Variants in SLC39A11 observed in about 807,000 individuals in gnomAD.
The protein encoded by SLC39A11 is zinc transporter ZIP11.
SLC39A11 carries 33 observed loss-of-function variants against 36.1 expected under a neutral mutation model. The observed-to-expected ratio is 0.91, with a 90% CI of 0.69 to 1.22. The LOEUF is 1.22. SLC39A11 is among the 50% of genes most tolerant of loss of function. The probability of loss-of-function intolerance (pLI) is 0.00; values close to 1 mark genes in which losing one functional copy is unlikely to be tolerated. For synonymous variants in SLC39A11, 166 were observed against 170.3 expected (o/e 0.97, Z 0.20); for missense variants, 432 against 430.3 (o/e 1.00, Z -0.03).
chr17:72,951,368 G>C (rs532693047), intron 4 of SLC39A11, among the ~76,000 whole-genome samples: 4 of 151,800 alleles, frequency 2.6e-5, no homozygotes, highest in African/African-American at 9.7e-5. Flanking sequence ...TCCCTGTAAT[G>C]CTGGAAACTC....
At chr17:72,903,982 G>A (rs554920013) in intron 5 of SLC39A11, among the ~76,000 whole-genome samples, 1 of 152,328 alleles carries the variant, frequency 6.6e-6, no homozygotes, top group Non-Finnish European at 1.5e-5. Flanking sequence ...GACGGGAACA[G>A]ATGCTGGTCA....
chr17:72,747,350 C>T (rs112105024), intron 6 of SLC39A11, among the ~76,000 whole-genome samples: 13,131 of 152,156 alleles, frequency 0.086, 719 homozygotes, highest in African/African-American at 0.16. Context: ...GGGGTTTTTG[C>T]CATGTTGGCC....
chr17:72,760,666 T>C (rs886513763), intron 6 of SLC39A11, among the ~76,000 whole-genome samples: 4 of 152,182 alleles, frequency 2.6e-5, no homozygotes, highest in Non-Finnish European at 5.9e-5. Flanking sequence ...GGGGTTGACA[T>C]GGTAAACACA....
At chr17:72,765,332 T>C (rs534026574) in intron 6 of SLC39A11, among the ~76,000 whole-genome samples, 54 of 152,274 alleles carry the variant, frequency 3.5e-4, no homozygotes, top group Non-Finnish European at 6.9e-4. Flanking sequence ...ACCCCAATGA[T>C]TGCATTCACA....
intron 6 of SLC39A11, among the ~76,000 whole-genome samples, chr17:72,765,165 C>T (rs531237558): frequency 2.6e-5 from 4 of 152,282 alleles, no homozygotes; most frequent in Admixed American, 2.0e-4. Flanking sequence ...AAAAGATATG[C>T]GACTTCCCCA....
At chr17:72,890,369 C>G (rs1178271923) in intron 5 of SLC39A11, among the ~76,000 whole-genome samples, 1 of 151,378 alleles carries the variant, frequency 6.6e-6, no homozygotes, top group African/African-American at 2.4e-5. Flanking sequence ...AGGGATTCAA[C>G]TAGACCAGTC....
At chr17:72,960,657 T>A (rs79649827) in intron 4 of SLC39A11, among the ~76,000 whole-genome samples, 8,500 of 151,696 alleles carry the variant, frequency 0.056, 270 homozygotes, top group Non-Finnish European at 0.063. Context: ...AAATTAAATT[T>A]AATTAAATTA....
intron 4 of SLC39A11, among the ~76,000 whole-genome samples, chr17:72,968,301 C>T (rs1178766647): frequency 6.6e-6 from 1 of 152,168 alleles, no homozygotes; most frequent in Non-Finnish European, 1.5e-5. Flanking sequence ...GAAGAGTTTG[C>T]CCAGGTTCCA....
At chr17:72,779,398 C>A (rs902631045) in intron 6 of SLC39A11, among the ~76,000 whole-genome samples, 1 of 151,712 alleles carries the variant, frequency 6.6e-6, no homozygotes, top group Non-Finnish European at 1.5e-5. Context: ...GCACTGCAGC[C>A]CGGGTGACAG....
chr17:72,934,949 C>T (rs765597100), intron 5 of SLC39A11, among the ~76,000 whole-genome samples: 1 of 152,208 alleles, frequency 6.6e-6, no homozygotes, highest in Admixed American at 6.5e-5. Context: ...TGAAGAACGG[C>T]TTATCCGCTT....
intron 5 of SLC39A11, among the ~76,000 whole-genome samples, chr17:72,909,032 A>G (rs1021969245): frequency 1.3e-5 from 2 of 152,238 alleles, no homozygotes; most frequent in African/African-American, 4.8e-5. Flanking sequence ...TACCTTTCAG[A>G]CAACAGAAAT....
chr17:72,735,776 G>C (rs1216535040), intron 7 of SLC39A11, among the ~76,000 whole-genome samples: 1 of 152,146 alleles, frequency 6.6e-6, no homozygotes, highest in Non-Finnish European at 1.5e-5. Context: ...ATGGGCCTGG[G>C]TGGACCATGG....
At chr17:72,745,519 G>A (rs932900173) in intron 6 of SLC39A11, among the ~76,000 whole-genome samples, 1 of 152,148 alleles carries the variant, frequency 6.6e-6, no homozygotes. Flanking sequence ...CTCTTGGGTG[G>A]TTTTCTCACA....
At chr17:72,925,607 TTA>T (rs760229720) in intron 5 of SLC39A11, among the ~76,000 whole-genome samples, 9 of 152,194 alleles carry the variant, frequency 5.9e-5, no homozygotes, top group Non-Finnish European at 1.3e-4. Flanking sequence ...TAGTAGATGT[TTA>T]TGTCCCCACC....
chr17:73,001,144 T>G (rs1357329831), intron 4 of SLC39A11, among the ~76,000 whole-genome samples: 1 of 152,148 alleles, frequency 6.6e-6, no homozygotes, highest in Non-Finnish European at 1.5e-5. Context: ...GTTTTAATAA[T>G]TCCAACTTCT....
chr17:73,062,461 C>CAAAAAAA lies in SLC39A11; in HGVS notation c.147+22340_147+22346dup, dbSNP rs1555698613. On this transcript the variant is annotated intron_variant, in intron 3 of 9. Coordinates refer to ENST00000255559, the MANE Select transcript of SLC39A11 (RefSeq NM_139177.4). ...TGGGTGATAGTGCCAGAGCTTGTCT[C>CAAAAAAA]AAAAAAAAAAAAAAAAACTTTAGGT... 5.0e-4 allele frequency among the ~76,000 whole-genome samples: 14 copies of CAAAAAAA among 27,840 alleles called. 1 individual carries two copies. Among genetic ancestry groups the CAAAAAAA allele is most frequent in the Non-Finnish European group, 6.6e-4 (10 of 15,154 alleles). 18.3% of individuals were successfully genotyped at this position (27,840 alleles called of 152,430 possible). A position where few individuals can be genotyped will look rare whatever the true frequency, so the allele number is the denominator to read the frequency against.
intron 4 of SLC39A11, among the ~76,000 whole-genome samples, chr17:72,960,612 G>A (rs1392987222): frequency 6.6e-6 from 1 of 151,888 alleles, no homozygotes; most frequent in African/African-American, 2.4e-5. Flanking sequence ...AACATGGCGA[G>A]ACCCCATCTC....
intron 5 of SLC39A11, among the ~76,000 whole-genome samples, chr17:72,902,976 A>G (rs371545698): frequency 2.6e-5 from 4 of 152,138 alleles, no homozygotes; most frequent in African/African-American, 9.7e-5. Flanking sequence ...AAGAAATTCC[A>G]TTGAAATAGG....
chr17:73,020,387 C>A (rs1485277873), intron 4 of SLC39A11, among the ~76,000 whole-genome samples: 5 of 152,158 alleles, frequency 3.3e-5, no homozygotes, highest in Admixed American at 3.3e-4. Context: ...TGGCCATCTG[C>A]AAGACAGAAA....
Sources: allele counts gnomAD v4.1 joint callset (sites outside exome capture counted in the v4.1 genomes callset), GRCh38; gene constraint gnomAD v4.1.1; transcripts MANE v1.5; gene names NCBI Gene and HGNC (gene_info 2026-07-23, HGNC 2026-07-21).